KIF16B: variants seen among roughly 807,000 people sequenced by gnomAD.
The protein encoded by KIF16B is kinesin-like protein KIF16B.
Under a neutral mutation model 156.3 loss-of-function variants are expected in KIF16B, and 98 were observed. The observed-to-expected ratio is 0.63, with a 90% CI of 0.53 to 0.74. The LOEUF (loss-of-function observed/expected upper bound fraction) is 0.74, where lower values mean the gene tolerates loss of function less well. KIF16B is among the 30% of genes least tolerant of loss of function. KIF16B has a pLI of 0.00. For synonymous variants in KIF16B, 564 were observed against 583.7 expected, an observed-to-expected ratio of 0.97 and a Z score of 0.49; for missense variants, 1,421 against 1,606.5, an observed-to-expected ratio of 0.88 and a Z score of 1.97.
chr20:16,282,721 C>T (rs2063165055), intron 25 of KIF16B, among the ~76,000 whole-genome samples: 1 of 152,114 alleles, frequency 6.6e-6, no homozygotes, highest in Non-Finnish European at 1.5e-5. Context: ...ATAGGACAGA[C>T]TCCTGGGAAC....
At chr20:16,507,166 A>G (rs2068808529) in intron 7 of KIF16B, among the ~76,000 whole-genome samples, 2 of 152,108 alleles carry the variant, frequency 1.3e-5, no homozygotes, top group Admixed American at 1.3e-4. Flanking sequence ...CAGGAGAAAA[A>G]CCAATCAACT....
intron 1 of KIF16B, among the ~76,000 whole-genome samples, chr20:16,536,731 T>C (rs1436192889): frequency 6.6e-6 from 1 of 152,160 alleles, no homozygotes; most frequent in Non-Finnish European, 1.5e-5. Flanking sequence ...ACTGTCAAAC[T>C]TCCAAATATT....
In KIF16B at chr20:16,497,666, C is replaced by A; in HGVS notation, c.1189G>T (p.Asp397Tyr). The change falls in exon 11 of 26, where the codon GAC becomes TAC. Residue 397 changes from aspartate (D) to tyrosine (Y), a missense_variant. Coordinates refer to ENST00000354981, the MANE Select transcript of KIF16B (RefSeq NM_024704.5). ...TCCATACTTAAAGCTGTGGGGGAGT[C>A]TAAGAGGGCAATCTACAATATAAAC... ...LAQGNQIALL[D>Y]SPTALSMEEK... The A allele has an allele frequency of 6.2e-7, 1 of 1,608,996 alleles. No homozygotes were observed. Among genetic ancestry groups the A allele is most frequent in the Non-Finnish European group, 8.5e-7 (1 of 1,175,770 alleles).
rs777718733 is a variant in KIF16B, at chr20:16,526,181, A to G, written c.142T>C (p.Ser48Pro). The G allele has an allele frequency of 6.3e-7, 1 of 1,598,616 alleles. No homozygotes were observed. The highest frequency in any genetic ancestry group is 8.5e-7 in the Non-Finnish European group (1 of 1,171,174). ...LKIPEGGTGD[S>P]GRERTKTFTY... is the part of the protein sequence containing the mutation. The stretch of plus-strand genomic sequence containing the variant: ...AAGGTCTTGGTCCGTTCTCTTCCTG[A>G]GTCCCCAGTGCCTCCTTCTGGTATC... The change falls in exon 3 of 26, where the codon TCA becomes CCA. Residue 48 changes from serine to proline, a missense_variant. Ser to Pro is a moderately conservative substitution (Grantham distance 74). Transcript: ENST00000354981.
At chr20:16,478,889 T>A (rs932688636) in intron 12 of KIF16B, among the ~76,000 whole-genome samples, 8 of 152,174 alleles carry the variant, frequency 5.3e-5, no homozygotes, top group Admixed American at 3.9e-4. Context: ...TTGAAATGTA[T>A]CCCCTGTGGA....
At chr20:16,428,134 AT>A in intron 14 of KIF16B, among the ~76,000 whole-genome samples, 1 of 152,152 alleles carries the variant, frequency 6.6e-6, no homozygotes, top group Non-Finnish European at 1.5e-5. Context: ...CTTCTAGAAA[AT>A]GGTTTTTATC....
rs974152115 is a variant in KIF16B, at chr20:16,485,752, C to T, written c.1302+8539G>A. Among the ~76,000 whole-genome samples the T allele has an allele frequency of 2.6e-5, 4 of 152,132 alleles. No individual in the cohort carries two copies. In the East Asian group the frequency reaches 5.8e-4, roughly 22 times the overall value. On this transcript the variant is annotated intron_variant, in intron 12 of 25. Transcript: ENST00000354981. ...ACTGTGTCCTCATGGACTTTATATCCTAATGGATGTCAATTTACAAAATAC... is the reference window on the plus strand; with the variant it reads ...ACTGTGTCCTCATGGACTTTATATCTTAATGGATGTCAATTTACAAAATAC...
rs140193756 is a variant in KIF16B at position 16,499,016 on chromosome 20, G to A, written c.1177-1338C>T. On this transcript the variant is annotated intron_variant, in intron 10 of 25. Coordinates refer to ENST00000354981, the MANE Select transcript of KIF16B (RefSeq NM_024704.5). ...GAGCTGGCCAGAAAGGAGCATAAGC[G>A]TTCGTCTTGGTAGGCAAGGTCCTCG... 1.6e-4 allele frequency among the ~76,000 whole-genome samples: 24 copies of A among 152,172 alleles called. No homozygotes were observed. The East Asian group carries it at 3.9e-3, about 25-fold the overall frequency.
chr20:16,538,250 T>C (rs1447310544), intron 1 of KIF16B, among the ~76,000 whole-genome samples: 1 of 152,206 alleles, frequency 6.6e-6, no homozygotes. Flanking sequence ...TGCTTTGTCT[T>C]GTAATTCTTC....
At chr20:16,332,071 G>A (rs1029035149) in intron 24 of KIF16B, among the ~76,000 whole-genome samples, 1 of 152,114 alleles carries the variant, frequency 6.6e-6, no homozygotes, top group Non-Finnish European at 1.5e-5. Context: ...GCTGTTGTGA[G>A]TGAAATAAGA....
intron 23 of KIF16B, among the ~76,000 whole-genome samples, chr20:16,348,038 C>T (rs1260783065): frequency 6.6e-6 from 1 of 152,222 alleles, no homozygotes; most frequent in Non-Finnish European, 1.5e-5. Flanking sequence ...CTTCTTCATG[C>T]TTCCTGGCAG....
rs766261351 is a variant in KIF16B at position 16,378,817 on chromosome 20, T to C, written c.3185A>G (p.Lys1062Arg). 1 of 1,608,500 alleles carries C rather than the reference T, an allele frequency of 6.2e-7. No homozygotes were observed. The highest frequency in any genetic ancestry group is 8.5e-7 in the Non-Finnish European group (1 of 1,177,492). The change falls in exon 19 of 26, where the codon AAG (lysine) becomes AGG (arginine). Residue 1062 changes from lysine to arginine, a missense_variant. Physicochemically the swap from Lys to Arg is conservative, Grantham distance 26 (BLOSUM62 2). Coordinates refer to ENST00000354981, the MANE Select transcript of KIF16B (RefSeq NM_024704.5). ...TTCCCAATCTCACCTCTCCTGGTCCTTCTCCAGGGCTTCCTGCTCAGCCTC... is the reference window on the plus strand; with the variant it reads ...TTCCCAATCTCACCTCTCCTGGTCCCTCTCCAGGGCTTCCTGCTCAGCCTC... ...SLEAEQEALE[K>R]DQERLEYEIQ...
rs867158905 is a variant in KIF16B at position 16,468,742 on chromosome 20, T to C, written c.1302+25549A>G. Among the ~76,000 whole-genome samples the C allele has an allele frequency of 4.6e-5, 7 of 151,382 alleles. No homozygotes were observed. In the South Asian group the frequency reaches 1.5e-3, roughly 32 times the overall value. ...AATAAACAAATCTACTATTAGAGAGTTGAAGATTTCCAACACTCCTCTATG... is the reference window on the plus strand; with the variant it reads ...AATAAACAAATCTACTATTAGAGAGCTGAAGATTTCCAACACTCCTCTATG... On this transcript the variant is annotated intron_variant, in intron 12 of 25. Transcript: ENST00000354981.
intron 12 of KIF16B, among the ~76,000 whole-genome samples, chr20:16,469,934 A>G (rs971177121): frequency 6.6e-6 from 1 of 152,186 alleles, no homozygotes; most frequent in Non-Finnish European, 1.5e-5. Context: ...AAAGCAGGTG[A>G]ACGGATTAAA....
chr20:16,526,005 G>A (rs1299706993), intron 3 of KIF16B, 87 bp downstream of exon 3: 1 of 717,302 alleles, frequency 1.4e-6, no homozygotes, highest in East Asian at 2.7e-5. Flanking sequence ...AAAGAAATTG[G>A]CAAGATATTT....
At chr20:16,285,449 CA>C (rs975292047) in intron 25 of KIF16B, among the ~76,000 whole-genome samples, 1 of 152,074 alleles carries the variant, frequency 6.6e-6, no homozygotes, top group African/African-American at 2.4e-5. Context: ...CCAGTGCATC[CA>C]AAAAAATTTA....
At chr20:16,411,929 CGTGTGTGTGTGTGTGTGT>C (rs36019156) in intron 15 of KIF16B, among the ~76,000 whole-genome samples, 3 of 134,040 alleles carry the variant, frequency 2.2e-5, no homozygotes, top group African/African-American at 8.6e-5. Context: ...GAATGTTCAA[CGTGTGTGTGTGTGTGTGT>C]GTGTGTGTGT....
chr20:16,565,334 T>C (rs978079867), intron 1 of KIF16B, among the ~76,000 whole-genome samples: 2 of 152,168 alleles, frequency 1.3e-5, no homozygotes, highest in African/African-American at 4.8e-5. Context: ...ACACACCATG[T>C]AGTTTCTGGA....
Position 16,508,119 on chromosome 20 carries a change from G to C in KIF16B, c.557-19C>G. ...GATAAATCTGAAAAAGAAAATGGAA[G>C]GGGTGAAGAAATCCCCCTAATATAT... On this transcript the variant is annotated intron_variant, in intron 6 of 25. Transcript: ENST00000354981. 2 of 1,613,002 alleles carry C rather than the reference G, an allele frequency of 1.2e-6. No individual in the cohort carries two copies. Among genetic ancestry groups the C allele is most frequent in the Non-Finnish European group, 1.7e-6 (2 of 1,179,214 alleles).
Sources: allele counts gnomAD v4.1 joint callset (sites outside exome capture counted in the v4.1 genomes callset), GRCh38; gene constraint gnomAD v4.1.1; transcripts MANE v1.5; gene names NCBI Gene and HGNC (gene_info 2026-07-23, HGNC 2026-07-21).